TEAD4: variants seen among roughly 807,000 people sequenced by gnomAD.
The protein encoded by TEAD4 is transcriptional enhancer factor TEF-3.
TEAD4 carries 36 observed loss-of-function variants against 52.4 expected under a neutral mutation model. That is an observed-to-expected ratio of 0.69 (90% CI 0.53 to 0.91). The LOEUF (loss-of-function observed/expected upper bound fraction) is 0.91. Ranked by LOEUF, TEAD4 falls within the 40% of genes least tolerant of loss-of-function variation. TEAD4 has a pLI of 0.00. For synonymous variants in TEAD4, 220 were observed against 231.0 expected, an observed-to-expected ratio of 0.95 and a Z score of 0.43; for missense variants, 508 against 583.9, an observed-to-expected ratio of 0.87 and a Z score of 1.34.
chr12:2,969,697 G>A (rs2098223536), intron 2 of TEAD4, among the ~76,000 whole-genome samples: 1 of 152,234 alleles, frequency 6.6e-6, no homozygotes, highest in African/African-American at 2.4e-5. Context: ...CGAGGGTGCA[G>A]TGTCTGAGCA....
intron 2 of TEAD4, among the ~76,000 whole-genome samples, chr12:2,984,913 T>C (rs878942131): frequency 7.9e-5 from 12 of 152,290 alleles, no homozygotes; most frequent in Admixed American, 1.3e-4. Flanking sequence ...TGTATGCTAC[T>C]GTAGGCTTGA....
At chr12:2,998,986 T>C (rs2098249472) in intron 3 of TEAD4, among the ~76,000 whole-genome samples, 1 of 152,024 alleles carries the variant, frequency 6.6e-6, no homozygotes, top group African/African-American at 2.4e-5. Flanking sequence ...TTCTTACCAG[T>C]CCCGGGGGCC....
Position 3,004,159 on chromosome 12 carries a change from C to G in TEAD4, c.227-6845C>G, listed in dbSNP as rs116593154. Among the ~76,000 whole-genome samples the G allele has an allele frequency of 8.1e-3, 1,233 of 152,350 alleles. 14 individuals carry two copies. The highest frequency in any genetic ancestry group is 0.029 in the African/African-American group (1,192 of 41,570). On this transcript the variant is annotated intron_variant, in intron 3 of 12. Transcript: ENST00000359864. ...CTCAGGTCCAAGTAGTTGGATCTCC[C>G]TCCGGGACCTTACCTCATGCAGAGA... is the stretch of plus-strand genomic sequence containing the variant.
chr12:3,020,531 A>C, intron 8 of TEAD4, 103 bp from the exon 9 acceptor site: 3 of 1,351,880 alleles, frequency 2.2e-6, no homozygotes, highest in Non-Finnish European at 2.9e-6. Flanking sequence ...CGGTCCCCCC[A>C]GGCAGCACGG....
chr12:2,972,526 T>C (rs1313678086), intron 2 of TEAD4, among the ~76,000 whole-genome samples: 1 of 94,346 alleles, frequency 1.1e-5, no homozygotes, highest in Admixed American at 1.4e-4. Flanking sequence ...TGAGACAGAG[T>C]TTTGCTTTTG....
At position 2,994,168 on chromosome 12, in the gene TEAD4, G is replaced by A. The variant is rs562562043; in HGVS notation, c.-29-570G>A. The stretch of plus-strand genomic sequence containing the variant: ...CGGCTCACTGCAACCTCTGCTTCTC[G>A]GATTCAAGCGATTCTCCTTGTCTGA... On this transcript the variant is annotated intron_variant, in intron 2 of 12. Transcript: ENST00000359864. This position sits in a 1 kb window ranked among gnomAD's most constrained non-coding sequence, Gnocchi z 4.7. Among the ~76,000 whole-genome samples the A allele has an allele frequency of 1.3e-5, 2 of 152,050 alleles. No homozygotes were observed. The highest frequency in any genetic ancestry group is 2.9e-5 in the Non-Finnish European group (2 of 68,002).
chr12:2,994,803 TGGAGCTCTCCCACCTCCCCTGAGG>T lies in TEAD4; in HGVS notation c.43_66del (p.Ser15_Ser22del). On this transcript the variant is annotated inframe_deletion, in exon 3 of 13. Transcript: ENST00000359864. The surrounding 1 kb of genome is among the most constrained non-coding windows in gnomAD (Gnocchi z 4.7). The stretch of plus-strand genomic sequence containing the variant: ...GGCCGGCACCATTACCTCCAACGAG[TGGAGCTCTCCCACCTCCCCTGAGG>T]GGAGCACCGCCTCTGGGGGCAGTCA... The T allele has an allele frequency of 1.2e-6, 2 of 1,613,358 alleles. No homozygotes were observed. Among genetic ancestry groups the T allele is most frequent in the Non-Finnish European group, 1.7e-6 (2 of 1,179,798 alleles).
rs1242787227 is a variant in TEAD4 at position 2,994,303 on chromosome 12, T to A, written c.-29-435T>A. On this transcript the variant is annotated intron_variant, in intron 2 of 12. Transcript: ENST00000359864. The surrounding 1 kb of genome is among the most constrained non-coding windows in gnomAD (Gnocchi z 4.7). ...GTTGGCCAGGCTGGTCTCGAGTTCCTGACCTCAAGTGATCTGCCTGCCTCA... is the reference window on the plus strand; with the variant it reads ...GTTGGCCAGGCTGGTCTCGAGTTCCAGACCTCAAGTGATCTGCCTGCCTCA... Among the ~76,000 whole-genome samples, 1 of 152,180 alleles carries A rather than the reference T, an allele frequency of 6.6e-6. No homozygotes were observed. The highest frequency in any genetic ancestry group is 1.5e-5 in the Non-Finnish European group (1 of 68,032).
chr12:2,976,358 C>CAG (rs1555120659), intron 2 of TEAD4, among the ~76,000 whole-genome samples: 2 of 5,872 alleles, frequency 3.4e-4, no homozygotes, highest in East Asian at 5.5e-3. Flanking sequence ...CACCCTGCCC[C>CAG]CTCCCAACCT....
At position 3,037,964 on chromosome 12, in the gene TEAD4, C is replaced by G. The variant is rs200964844; in HGVS notation, c.898-4C>G. 2 of 1,611,926 alleles carry G rather than the reference C, an allele frequency of 1.2e-6. No individual in the cohort carries two copies. The highest frequency in any genetic ancestry group is 1.1e-5 in the South Asian group (1 of 90,816). On this transcript the variant is annotated splice_region_variant and splice_polypyrimidine_tract_variant and intron_variant, in intron 10 of 12. Coordinates refer to ENST00000359864, the MANE Select transcript of TEAD4 (RefSeq NM_003213.4). ...TCCCTCGCCTTCCCACTGTCTCCCT[C>G]CAGGCAGACCTCAACACCAACATCG...
intron 10 of TEAD4, among the ~76,000 whole-genome samples, chr12:3,036,084 T>C (rs1482360887): frequency 6.6e-6 from 1 of 152,122 alleles, no homozygotes; most frequent in Admixed American, 6.5e-5. Context: ...GGAGGGTGTT[T>C]AGGATAAATG....
At chr12:3,017,296 C>T in intron 5 of TEAD4, 102 bp from the exon 6 acceptor site, 3 of 1,505,972 alleles carry the variant, frequency 2.0e-6, no homozygotes, top group Non-Finnish European at 2.7e-6. Flanking sequence ...CAGCTCTGGC[C>T]ACTGGCAGCG....
In TEAD4 at chr12:2,994,931, C is replaced by T. The variant is rs373242342; in HGVS notation, c.165C>T (p.Leu55=). 2.6e-5 allele frequency: 42 copies of T among 1,614,058 alleles called. No individual in the cohort carries two copies. The highest frequency in any genetic ancestry group is 7.7e-5 in the South Asian group (7 of 91,092). ...TTGAGCAGAGTTTCCAGGAGGCCCT[C>T]GCCATCTACCCGCCCTGTGGCAGGC... Residue 55 remains leucine (L), a synonymous_variant, in exon 3 of 13, where the codon CTC becomes CTT. Coordinates refer to ENST00000359864, the MANE Select transcript of TEAD4 (RefSeq NM_003213.4). The surrounding 1 kb of genome is among the most constrained non-coding windows in gnomAD (Gnocchi z 4.7).
At chr12:3,004,494 G>A (rs535232996) in intron 3 of TEAD4, among the ~76,000 whole-genome samples, 70 of 152,162 alleles carry the variant, frequency 4.6e-4, no homozygotes, top group African/African-American at 1.6e-3. Flanking sequence ...CTGTTCATTC[G>A]GAGTGGTACC....
chr12:2,986,880 C>T (rs1252029418), intron 2 of TEAD4, among the ~76,000 whole-genome samples: 2 of 152,108 alleles, frequency 1.3e-5, no homozygotes, highest in Non-Finnish European at 2.9e-5. Flanking sequence ...TCTGACATCA[C>T]TAGGCAATAG....
chr12:2,967,742 T>C (rs2098221590), intron 2 of TEAD4, among the ~76,000 whole-genome samples: 1 of 152,178 alleles, frequency 6.6e-6, no homozygotes, highest in Admixed American at 6.6e-5. Context: ...TTTCATCCTC[T>C]CAGCCCTGTG....
intron 3 of TEAD4, among the ~76,000 whole-genome samples, chr12:3,003,388 G>T (rs1468809513): frequency 4.6e-5 from 7 of 152,164 alleles, no homozygotes; most frequent in African/African-American, 1.7e-4. Flanking sequence ...GGTCTAGGGG[G>T]TGGGCTGCCA....
Position 3,010,898 on chromosome 12 carries a change from G to A in TEAD4, c.227-106G>A, listed in dbSNP as rs187262365. On this transcript the variant is annotated intron_variant, in intron 3 of 12. Coordinates refer to ENST00000359864, the MANE Select transcript of TEAD4 (RefSeq NM_003213.4). Reference sequence around the variant, plus strand: ...CACCCCACAAATCCGCTTAGGATGGGCAGAGAGTGAGGGCAGGGCTCCTCC... The same window carrying A: ...CACCCCACAAATCCGCTTAGGATGGACAGAGAGTGAGGGCAGGGCTCCTCC... The A allele has an allele frequency of 6.4e-6, 8 of 1,241,284 alleles. No homozygotes were observed. In the African/African-American group the frequency reaches 1.2e-4, roughly 18 times the overall value. The allele number at this position is 1,241,284 out of a possible 1,614,324, so 76.9% of individuals were successfully genotyped here.
intron 2 of TEAD4, among the ~76,000 whole-genome samples, chr12:2,972,090 G>A (rs910316074): frequency 6.7e-6 from 1 of 149,740 alleles, no homozygotes; most frequent in Non-Finnish European, 1.5e-5. Context: ...TGGGATTACA[G>A]GCGTGAGCCA....
Sources: allele counts gnomAD v4.1 joint callset (sites outside exome capture counted in the v4.1 genomes callset), GRCh38; gene constraint gnomAD v4.1.1; non-coding constraint Gnocchi (gnomAD v3.1); transcripts MANE v1.5; gene names NCBI Gene and HGNC (gene_info 2026-07-23, HGNC 2026-07-21).